Variants in RERE observed in about 807,000 individuals in gnomAD.
RERE encodes arginine-glutamic acid dipeptide repeats.
A neutral mutation model predicts 146.1 loss-of-function variants in RERE; 40 were observed. The ratio of observed to expected loss-of-function variants is 0.27; its 90% CI spans 0.21 to 0.36. The LOEUF is 0.36. Ranked by LOEUF, RERE falls within the 10% of genes least tolerant of loss-of-function variation. RERE has a pLI of 1.00. For missense variants in RERE, 1,933 were observed against 2,138.7 expected (o/e 0.90, Z 1.90); for synonymous variants, 1,003 against 866.0 (o/e 1.16, Z -2.78).
At chr1:8,610,381 C>G (rs1042070723) in intron 4 of RERE, among the ~76,000 whole-genome samples, 45 of 151,330 alleles carry the variant, frequency 3.0e-4, no homozygotes, top group Admixed American at 2.0e-3. Flanking sequence ...ACAAGGTCAG[C>G]AGTTCGAGAC....
rs1570553983 is a variant in RERE, at chr1:8,643,101, G to A, written c.325+12872C>T. 4.6e-5 allele frequency among the ~76,000 whole-genome samples: 7 copies of A among 152,338 alleles called. No individual in the cohort carries two copies. In the South Asian group the frequency reaches 1.4e-3, roughly 32 times the overall value. On this transcript the variant is annotated intron_variant, in intron 2 of 22. Transcript: ENST00000400908. The stretch of plus-strand genomic sequence containing the variant: ...AATGGAAATGGAAGATGCCATGGGT[G>A]TGAGTGACTGTGAAAGGTGGGGGGA...
chr1:8,810,075 A>G (rs7551510), intron 1 of RERE, among the ~76,000 whole-genome samples: 35,872 of 151,882 alleles, frequency 0.24, 4,423 homozygotes, highest in Middle Eastern at 0.27. Context: ...GAGCGATCTC[A>G]GCTCACTGCA....
In RERE at chr1:8,547,218, C is replaced by G. The variant is rs540314595; in HGVS notation, c.726-5900G>C. 1.4e-4 allele frequency among the ~76,000 whole-genome samples: 21 copies of G among 151,674 alleles called. No individual in the cohort carries two copies. In the South Asian group the frequency reaches 1.5e-3, roughly 11 times the overall value. ...TAGTGCTGACACATAGACAATAGAA[C>G]AACAAAACAAAAAAGCAAGTACAAA... On this transcript the variant is annotated intron_variant, in intron 6 of 22. Coordinates refer to ENST00000400908, the MANE Select transcript of RERE (RefSeq NM_001042681.2).
intron 11 of RERE, among the ~76,000 whole-genome samples, chr1:8,449,312 C>T (rs188221314): frequency 2.0e-5 from 3 of 152,218 alleles, no homozygotes; most frequent in East Asian, 1.9e-4. Context: ...TCAAAGAAAA[C>T]GAAACAACAG....
At chr1:8,773,727 G>C (rs993242732) in intron 1 of RERE, among the ~76,000 whole-genome samples, 2 of 152,184 alleles carry the variant, frequency 1.3e-5, no homozygotes, top group Admixed American at 6.5e-5. Flanking sequence ...GGGAGGCTGA[G>C]GCAGGAGAAT....
At chr1:8,653,790 TGAGA>T (rs199869173) in intron 2 of RERE, among the ~76,000 whole-genome samples, 1 of 151,826 alleles carries the variant, frequency 6.6e-6, no homozygotes, top group African/African-American at 2.4e-5. Context: ...GTGGTAACTC[TGAGA>T]GATTCTTCAG....
chr1:8,482,402 C>T (rs758711245), intron 10 of RERE, among the ~76,000 whole-genome samples: 3 of 152,022 alleles, frequency 2.0e-5, no homozygotes, highest in Non-Finnish European at 4.4e-5. Flanking sequence ...AAAAAATAGG[C>T]TGGGTGTGGT....
At chr1:8,749,982 T>G (rs751358054) in intron 1 of RERE, among the ~76,000 whole-genome samples, 2 of 151,882 alleles carry the variant, frequency 1.3e-5, no homozygotes, top group South Asian at 4.2e-4. Context: ...CGAAACCTCA[T>G]CTCTACTAAA....
At chr1:8,564,015 CACCA>C (rs1346847394) in intron 4 of RERE, among the ~76,000 whole-genome samples, 7 of 152,198 alleles carry the variant, frequency 4.6e-5, no homozygotes, top group Non-Finnish European at 7.3e-5. Context: ...CAAGTGTGCT[CACCA>C]ACCAGTTTAA....
At chr1:8,791,762 A>G (rs1360365034) in intron 1 of RERE, among the ~76,000 whole-genome samples, 1 of 152,258 alleles carries the variant, frequency 6.6e-6, no homozygotes, top group East Asian at 1.9e-4. Flanking sequence ...ACCCACAGGA[A>G]TCATACGAGA....
chr1:8,452,107 T>C (rs1027208417), intron 11 of RERE, among the ~76,000 whole-genome samples: 4 of 152,110 alleles, frequency 2.6e-5, no homozygotes, highest in African/African-American at 9.7e-5. Context: ...AACTAACCTC[T>C]GTCAACTCTG....
At chr1:8,542,540 A>G (rs2124393583) in intron 6 of RERE, among the ~76,000 whole-genome samples, 1 of 152,286 alleles carries the variant, frequency 6.6e-6, no homozygotes, top group South Asian at 2.1e-4. Flanking sequence ...AAGCAGGGTC[A>G]GCCAGGCACA....
intron 4 of RERE, among the ~76,000 whole-genome samples, chr1:8,575,556 TATATA>T (rs1205675630): frequency 0.063 from 5,149 of 82,090 alleles, 250 homozygotes; most frequent in African/African-American, 0.18. Context: ...TATATATATA[TATATA>T]TTTTTTTTTT....
intron 1 of RERE, among the ~76,000 whole-genome samples, chr1:8,686,825 T>G (rs916353403): frequency 6.6e-6 from 1 of 151,818 alleles, no homozygotes; most frequent in African/African-American, 2.4e-5. Flanking sequence ...AAGGACAAAG[T>G]AGAGCCGAGA....
intron 6 of RERE, among the ~76,000 whole-genome samples, chr1:8,549,878 A>G (rs1273878382): frequency 5.3e-5 from 8 of 152,274 alleles, no homozygotes; most frequent in African/African-American, 1.9e-4. Context: ...CAATTGATCA[A>G]TAATATTTAC....
intron 21 of RERE, 147 bp downstream of exon 21, chr1:8,355,953 T>TC (rs1641273040): frequency 4.8e-6 from 4 of 825,160 alleles, no homozygotes; most frequent in Middle Eastern, 3.9e-4. Context: ...GGAGGCTTGT[T>TC]CCCCCACGGA....
chr1:8,521,168 C>CT (rs1645492885), intron 7 of RERE, among the ~76,000 whole-genome samples: 2 of 121,184 alleles, frequency 1.7e-5, no homozygotes, highest in Admixed American at 8.5e-5. Flanking sequence ...AGTAGAGCTT[C>CT]TTTTTTTCAA....
chr1:8,782,212 T>C (rs1641177504), intron 1 of RERE, among the ~76,000 whole-genome samples: 1 of 152,148 alleles, frequency 6.6e-6, no homozygotes, highest in South Asian at 2.1e-4. Flanking sequence ...TTCTCAGTCC[T>C]AAGCTGATTT....
chr1:8,776,470 G>T (rs1641066028), intron 1 of RERE, among the ~76,000 whole-genome samples: 1 of 152,064 alleles, frequency 6.6e-6, no homozygotes, highest in African/African-American at 2.4e-5. Flanking sequence ...ACTAATTGTT[G>T]TATTTTGAGT....
Sources: gnomAD v4.1 joint callset for allele counts (sites outside exome capture counted in the v4.1 genomes callset) on GRCh38, gnomAD v4.1.1 for gene constraint, MANE v1.5 for transcripts, NCBI Gene and HGNC (gene_info 2026-07-23, HGNC 2026-07-21) for gene names.